The following ROBO2 variants were observed in gnomAD, a reference collection of about 807,000 sequenced individuals.
ROBO2 encodes the protein roundabout homolog 2.
Under a neutral mutation model 160.8 loss-of-function variants are expected in ROBO2, and 53 were observed. The observed-to-expected ratio is 0.33, with a 90% CI of 0.26 to 0.41. The LOEUF is 0.41. Ranked by LOEUF, ROBO2 falls within the 10% of genes least tolerant of loss-of-function variation. The pLI, the probability that ROBO2 is intolerant of heterozygous loss-of-function variation, is 1.00. For synonymous variants in ROBO2, 664 were observed against 611.7 expected (o/e 1.09, Z -1.26); for missense variants, 1,577 against 1,722.4 (o/e 0.92, Z 1.49).
chr3:77,160,633 G>A (rs996293794), intron 2 of ROBO2, among the ~76,000 whole-genome samples: 2 of 152,202 alleles, frequency 1.3e-5, no homozygotes, highest in Non-Finnish European at 2.9e-5. Flanking sequence ...TAACTGTGGC[G>A]AAACCATTTA....
At chr3:76,583,437 T>A (rs1024679334) in intron 2 of ROBO2, among the ~76,000 whole-genome samples, 6 of 152,164 alleles carry the variant, frequency 3.9e-5, no homozygotes, top group Non-Finnish European at 8.8e-5. Flanking sequence ...ACATTCTACA[T>A]TGCTGTTCTT....
At chr3:77,326,498 T>C (rs557418668) in intron 2 of ROBO2, among the ~76,000 whole-genome samples, 3 of 152,244 alleles carry the variant, frequency 2.0e-5, no homozygotes, top group Non-Finnish European at 2.9e-5. Flanking sequence ...CATTTCCATT[T>C]ATATTTTGTA....
At chr3:76,440,133 TG>T (rs888554693) in intron 2 of ROBO2, among the ~76,000 whole-genome samples, 21 of 152,130 alleles carry the variant, frequency 1.4e-4, no homozygotes, top group Non-Finnish European at 1.5e-5. Flanking sequence ...GGAGAGGATG[TG>T]AAATGATGTG....
At chr3:76,412,402 G>A (rs1055657845) in intron 2 of ROBO2, among the ~76,000 whole-genome samples, 2 of 152,110 alleles carry the variant, frequency 1.3e-5, no homozygotes, top group Non-Finnish European at 2.9e-5. Flanking sequence ...GTCCCCCAAA[G>A]TCTTAACTCA....
chr3:77,066,872 T>C (rs945115915), intron 1 of ROBO2, among the ~76,000 whole-genome samples: 1 of 152,104 alleles, frequency 6.6e-6, no homozygotes, highest in African/African-American at 2.4e-5. Flanking sequence ...TTGGTATCCT[T>C]GCACTACTTT....
chr3:76,523,618 T>C (rs1334607926), intron 2 of ROBO2, among the ~76,000 whole-genome samples: 1 of 152,140 alleles, frequency 6.6e-6, no homozygotes, highest in Non-Finnish European at 1.5e-5. Flanking sequence ...ACACCAGATG[T>C]ACAGCTTCCA....
chr3:76,055,191 A>C (rs2067794468), intron 2 of ROBO2, among the ~76,000 whole-genome samples: 1 of 152,128 alleles, frequency 6.6e-6, no homozygotes, highest in Non-Finnish European at 1.5e-5. Flanking sequence ...CAGCATGGAA[A>C]AAACCGCCTC....
intron 6 of ROBO2, among the ~76,000 whole-genome samples, chr3:77,545,134 C>T (rs1310214129): frequency 1.3e-5 from 2 of 152,086 alleles, no homozygotes; most frequent in African/African-American, 2.4e-5. Flanking sequence ...ATCCATGCTA[C>T]ATTCATCAGA....
At chr3:77,371,462 T>C (rs1298985639) in intron 2 of ROBO2, among the ~76,000 whole-genome samples, 3 of 152,150 alleles carry the variant, frequency 2.0e-5, no homozygotes, top group Non-Finnish European at 4.4e-5. Flanking sequence ...AAGTTCTCAT[T>C]TACTCTCATT....
chr3:77,235,528 C>T (rs780056149), intron 2 of ROBO2, among the ~76,000 whole-genome samples: 1 of 151,918 alleles, frequency 6.6e-6, no homozygotes, highest in Non-Finnish European at 1.5e-5. Flanking sequence ...ACCTATTATA[C>T]CTTTATACAT....
intron 2 of ROBO2, among the ~76,000 whole-genome samples, chr3:76,304,986 C>A (rs2071265470): frequency 6.6e-6 from 1 of 151,824 alleles, no homozygotes; most frequent in Non-Finnish European, 1.5e-5. Flanking sequence ...GGTGAATTAT[C>A]ATAGCAGAAA....
chr3:76,166,413 T>C (rs928916900), intron 2 of ROBO2, among the ~76,000 whole-genome samples: 1 of 152,178 alleles, frequency 6.6e-6, no homozygotes, highest in Non-Finnish European at 1.5e-5. Flanking sequence ...CATTTTCTTA[T>C]TCTCAGGCCA....
chr3:77,078,793 C>G (rs115631715), intron 1 of ROBO2, among the ~76,000 whole-genome samples: 1,705 of 152,294 alleles, frequency 0.011, 31 homozygotes, highest in African/African-American at 0.037. Context: ...CACCCCGCAA[C>G]TCACCAGTGC....
intron 2 of ROBO2, among the ~76,000 whole-genome samples, chr3:77,428,844 C>T (rs896270860): frequency 6.6e-6 from 1 of 152,020 alleles, no homozygotes; most frequent in African/African-American, 2.4e-5. Context: ...TCCATGAAAT[C>T]AAAAAGTTTC....
At chr3:76,058,037 T>TA (rs2107855519) in intron 2 of ROBO2, among the ~76,000 whole-genome samples, 1 of 152,304 alleles carries the variant, frequency 6.6e-6, no homozygotes, top group Admixed American at 6.5e-5. Flanking sequence ...CCAATAATGT[T>TA]ATTTTAGGAG....
chr3:76,596,336 A>G (rs774132244), intron 2 of ROBO2, among the ~76,000 whole-genome samples: 78 of 152,128 alleles, frequency 5.1e-4, no homozygotes, highest in Admixed American at 4.2e-3. Context: ...CAGTATCACC[A>G]TAAGTGATAG....
At chr3:76,265,847 A>G (rs936024563) in intron 2 of ROBO2, among the ~76,000 whole-genome samples, 1 of 152,166 alleles carries the variant, frequency 6.6e-6, no homozygotes, top group Non-Finnish European at 1.5e-5. Context: ...CAAGTTCTTT[A>G]ACTTATATGA....
intron 24 of ROBO2, among the ~76,000 whole-genome samples, chr3:77,643,989 C>T (rs1020380831): frequency 1.1e-4 from 17 of 151,542 alleles, no homozygotes; most frequent in Admixed American, 3.3e-4. Flanking sequence ...ATAGAAAGAA[C>T]GTGAAAGACA....
chr3:76,630,145 G>A (rs780457964), intron 2 of ROBO2, among the ~76,000 whole-genome samples: 21 of 152,130 alleles, frequency 1.4e-4, no homozygotes, highest in Non-Finnish European at 2.2e-4. Context: ...TACTGGCTAG[G>A]GCCATAGTCT....
Sources: gnomAD v4.1 joint callset for allele counts (sites outside exome capture counted in the v4.1 genomes callset) on GRCh38, gnomAD v4.1.1 for gene constraint, MANE v1.5 for transcripts, NCBI Gene and HGNC (gene_info 2026-07-23, HGNC 2026-07-21) for gene names.